The following IL1RAPL2 variants were observed in gnomAD, a reference collection of about 807,000 sequenced individuals.
IL1RAPL2 encodes interleukin 1 receptor accessory protein like 2.
IL1RAPL2 carries 3 observed loss-of-function variants against 44.1 expected under a neutral mutation model. The observed-to-expected ratio is 0.07, with a 90% CI of 0.03 to 0.18. IL1RAPL2 has a LOEUF of 0.18. IL1RAPL2 is among the 10% of genes least tolerant of loss of function. IL1RAPL2 has a pLI of 1.00. For missense variants in IL1RAPL2, 391 were observed against 496.4 expected (o/e 0.79, Z 2.02); for synonymous variants, 181 against 178.8 (o/e 1.01, Z -0.10).
intron 2 of IL1RAPL2, among the ~76,000 whole-genome samples, chrX:104,899,623 T>A (rs1467687399): frequency 2.7e-5 from 3 of 111,474 alleles, no homozygotes; most frequent in Non-Finnish European, 5.7e-5. Context: ...TCTTTTTCTT[T>A]CTTCCCCTTA....
At chrX:104,645,523 C>T (rs1301638204) in intron 1 of IL1RAPL2, among the ~76,000 whole-genome samples, 1 of 112,116 alleles carries the variant, frequency 8.9e-6, no homozygotes, top group African/African-American at 3.2e-5. Flanking sequence ...TTTCCTATCG[C>T]ACTCTAGGTT....
chrX:105,159,983 C>CA (rs1556115896), intron 2 of IL1RAPL2, among the ~76,000 whole-genome samples: 1 of 51,985 alleles, frequency 1.9e-5, no homozygotes, highest in Admixed American at 2.5e-4. Flanking sequence ...ACTTAAAGAA[C>CA]CCCCCCCCCC....
At chrX:105,380,603 C>A (rs190230486) in intron 5 of IL1RAPL2, among the ~76,000 whole-genome samples, 69 of 111,777 alleles carry the variant, frequency 6.2e-4, no homozygotes, top group African/African-American at 2.1e-3. Context: ...GCTCTCTCTA[C>A]TCTGAATCAA....
intron 2 of IL1RAPL2, among the ~76,000 whole-genome samples, chrX:105,169,451 G>A (rs746524047): frequency 1.1e-5 from 1 of 92,847 alleles, no homozygotes; most frequent in Non-Finnish European, 2.1e-5. Context: ...TACAAAGCAA[G>A]TAAAGCACTT....
intron 2 of IL1RAPL2, among the ~76,000 whole-genome samples, chrX:104,882,970 C>A (rs981497760): frequency 9.0e-6 from 1 of 111,215 alleles, no homozygotes; most frequent in Admixed American, 9.5e-5. Context: ...CCTGGTCAAG[C>A]GAGATCAAGA....
chrX:105,395,637 AAAAAAATCT>A (rs1243004286), intron 5 of IL1RAPL2, among the ~76,000 whole-genome samples: 1 of 111,158 alleles, frequency 9.0e-6, no homozygotes, highest in Non-Finnish European at 1.9e-5. Context: ...ATGTGGTTTG[AAAAAAATCT>A]CAGTGTGTCC....
rs926592723 is a variant in IL1RAPL2 at position 104,946,420 on chromosome X, A to T, written c.83-249055A>T. On this transcript the variant is annotated intron_variant, in intron 2 of 10. Transcript: ENST00000372582. ...AAAAAAAAAAAAAAACTTTTTAAAA[A>T]AATTATTATTATACTTTAAGTTTTA... Among the ~76,000 whole-genome samples, 3 of 84,119 alleles carry T rather than the reference A, an allele frequency of 3.6e-5. No homozygotes were observed. The East Asian group carries it at 1.2e-3, about 34-fold the overall frequency. 73.0% of individuals were successfully genotyped at this position (84,119 alleles called of 115,157 possible). A position where few individuals can be genotyped will look rare whatever the true frequency, so the allele number is the denominator to read the frequency against.
chrX:104,570,105 A>G (rs186279781), intron 1 of IL1RAPL2, among the ~76,000 whole-genome samples: 7 of 111,790 alleles, frequency 6.3e-5, no homozygotes, highest in African/African-American at 2.3e-4. Context: ...TGAGGTCTTC[A>G]CTAATAATAT....
At chrX:104,593,378 T>C (rs995350690) in intron 1 of IL1RAPL2, among the ~76,000 whole-genome samples, 9 of 112,118 alleles carry the variant, frequency 8.0e-5, no homozygotes, top group Non-Finnish European at 1.1e-4. Flanking sequence ...AAACCATTGC[T>C]AGAAAGAGCA....
chrX:104,895,722 C>G (rs903688817), intron 2 of IL1RAPL2, among the ~76,000 whole-genome samples: 1 of 112,025 alleles, frequency 8.9e-6, no homozygotes, highest in East Asian at 2.8e-4. Context: ...TCCCTGACCC[C>G]TTGTTCTTCC....
At chrX:104,586,278 A>G (rs751017057) in intron 1 of IL1RAPL2, among the ~76,000 whole-genome samples, 3 of 110,953 alleles carry the variant, frequency 2.7e-5, no homozygotes, top group Non-Finnish European at 3.8e-5. Context: ...TCCTTTGCCC[A>G]CTTTTTAATG....
At chrX:105,128,903 A>G (rs1394744945) in intron 2 of IL1RAPL2, among the ~76,000 whole-genome samples, 1 of 111,599 alleles carries the variant, frequency 9.0e-6, no homozygotes, top group Non-Finnish European at 1.9e-5. Context: ...ATGGTGGAGT[A>G]GAAGTTTTAG....
intron 1 of IL1RAPL2, among the ~76,000 whole-genome samples, chrX:104,594,009 A>AT (rs1372263421): frequency 1.8e-5 from 2 of 111,825 alleles, no homozygotes; most frequent in African/African-American, 6.5e-5. Flanking sequence ...TCTCTTTAAT[A>AT]TTTTTTCAGC....
intron 5 of IL1RAPL2, among the ~76,000 whole-genome samples, chrX:105,399,875 A>G (rs897413298): frequency 9.0e-6 from 1 of 111,437 alleles, no homozygotes. Context: ...TGAGAGGTAC[A>G]CAGTGCTGTA....
chrX:105,219,077 C>G, intron 3 of IL1RAPL2: 1 of 1,211,285 alleles, frequency 8.3e-7, no homozygotes, highest in Non-Finnish European at 1.1e-6. Flanking sequence ...CTGCGATATA[C>G]TGGAGGTCTT....
rs186938205 is a variant in IL1RAPL2 at position 105,087,128 on chromosome X, T to C, written c.83-108347T>C. Among the ~76,000 whole-genome samples the C allele has an allele frequency of 3.6e-5, 4 of 111,428 alleles. No individual in the cohort carries two copies. The East Asian group carries it at 1.1e-3, about 31-fold the overall frequency. On this transcript the variant is annotated intron_variant, in intron 2 of 10. Coordinates refer to ENST00000372582, the MANE Select transcript of IL1RAPL2 (RefSeq NM_017416.2). ...CCCCTGAGTTTAAGCATGTGGGAAA[T>C]CATGTGATAAACTGGAAATGGCATA...
chrX:105,447,578 T>C (rs1157427896), intron 5 of IL1RAPL2, among the ~76,000 whole-genome samples: 1 of 77,944 alleles, frequency 1.3e-5, no homozygotes, highest in African/African-American at 5.3e-5. Context: ...TAAACATAAA[T>C]ATATATTTAT....
At chrX:104,680,052 G>A (rs755566771) in intron 2 of IL1RAPL2, among the ~76,000 whole-genome samples, 40 of 111,707 alleles carry the variant, frequency 3.6e-4, no homozygotes, top group Non-Finnish European at 7.0e-4. Flanking sequence ...TGTGTTAAGG[G>A]ACCAGACAGG....
intron 2 of IL1RAPL2, among the ~76,000 whole-genome samples, chrX:104,907,245 A>G (rs1300447225): frequency 2.7e-5 from 3 of 111,542 alleles, no homozygotes; most frequent in African/African-American, 9.8e-5. Context: ...GATCCTTTCA[A>G]AAAACCAGCT....
Sources: gnomAD v4.1 joint callset for allele counts (sites outside exome capture counted in the v4.1 genomes callset) on GRCh38, gnomAD v4.1.1 for gene constraint, MANE v1.5 for transcripts, NCBI Gene and HGNC (gene_info 2026-07-23, HGNC 2026-07-21) for gene names.